NRXN3: variants seen among roughly 807,000 people sequenced by gnomAD.
NRXN3 encodes neurexin 3, also known as neurexin III.
In NRXN3, 32 loss-of-function variants were observed where a neutral mutation model predicts 137.6. The observed-to-expected ratio is 0.23, with a 90% confidence interval of 0.18 to 0.31. NRXN3 has a LOEUF of 0.31. Among genes scored for constraint, NRXN3 ranks in the 10% least tolerant of loss-of-function variants. NRXN3 has a pLI of 1.00. For synonymous variants in NRXN3, 798 were observed against 784.5 expected (o/e 1.02, Z -0.29); for missense variants, 1,574 against 2,062.5 (o/e 0.76, Z 4.59).
intron 14 of NRXN3, among the ~76,000 whole-genome samples, chr14:78,986,614 C>T (rs1567905532): frequency 1.3e-5 from 2 of 152,104 alleles, no homozygotes; most frequent in African/African-American, 4.8e-5. Flanking sequence ...GAAAGACACA[C>T]AGAAATAGAA....
chr14:79,059,212 A>T (rs150934003), intron 15 of NRXN3, among the ~76,000 whole-genome samples: 2 of 147,274 alleles, frequency 1.4e-5, no homozygotes, highest in Admixed American at 1.4e-4. Flanking sequence ...CAATGAGGGC[A>T]TTGATCTATC....
At chr14:79,509,212 A>AATG (rs1350421920) in intron 16 of NRXN3, among the ~76,000 whole-genome samples, 2 of 151,970 alleles carry the variant, frequency 1.3e-5, no homozygotes, top group African/African-American at 2.4e-5. Context: ...TAATAATAAT[A>AATG]ATAATGCTTT....
chr14:78,494,671 G>T (rs2366101), intron 4 of NRXN3, among the ~76,000 whole-genome samples: 53,069 of 151,844 alleles, frequency 0.35, 9,967 homozygotes, highest in Admixed American at 0.42. Flanking sequence ...AAAAATATGT[G>T]ATTCCTGCCC....
intron 10 of NRXN3, among the ~76,000 whole-genome samples, chr14:78,948,674 T>G (rs927831199): frequency 6.7e-6 from 1 of 149,532 alleles, no homozygotes; most frequent in African/African-American, 2.5e-5. Context: ...AGGTTCTGTA[T>G]GCTAGGCCTG....
intron 10 of NRXN3, among the ~76,000 whole-genome samples, chr14:78,950,357 C>T (rs943030091): frequency 2.6e-5 from 4 of 152,070 alleles, no homozygotes; most frequent in African/African-American, 9.7e-5. Flanking sequence ...TCTTTTTCAT[C>T]TTCTGAGGAG....
chr14:79,148,979 T>G (rs2059555977), intron 15 of NRXN3, among the ~76,000 whole-genome samples: 1 of 152,156 alleles, frequency 6.6e-6, no homozygotes, highest in South Asian at 2.1e-4. Context: ...AAGTAAGCAG[T>G]GAGAATCCTA....
intron 19 of NRXN3, among the ~76,000 whole-genome samples, chr14:79,764,165 TG>T (rs34360658): frequency 0.016 from 775 of 47,980 alleles, 6 homozygotes; most frequent in African/African-American, 0.049. Context: ...TTTTGGTGGG[TG>T]GGGGGGGTGT....
chr14:79,026,788 C>G (rs934748493), intron 15 of NRXN3, among the ~76,000 whole-genome samples: 1 of 151,820 alleles, frequency 6.6e-6, no homozygotes, highest in Non-Finnish European at 1.5e-5. Context: ...ACAGTCCTAT[C>G]ACCTCAAATC....
chr14:78,985,508 A>G (rs1446635589), intron 14 of NRXN3, among the ~76,000 whole-genome samples: 1 of 152,232 alleles, frequency 6.6e-6, no homozygotes, highest in African/African-American at 2.4e-5. Flanking sequence ...CTAATGTTTC[A>G]TTTGAAGAAG....
chr14:78,359,328 G>T (rs924001939), intron 4 of NRXN3, among the ~76,000 whole-genome samples: 1 of 152,108 alleles, frequency 6.6e-6, no homozygotes, highest in East Asian at 1.9e-4. Flanking sequence ...CGTCTTAAAG[G>T]CTCTCCAGGT....
At chr14:79,515,902 G>A (rs114333293) in intron 16 of NRXN3, among the ~76,000 whole-genome samples, 1 of 152,148 alleles carries the variant, frequency 6.6e-6, no homozygotes, top group South Asian at 2.1e-4. Flanking sequence ...CCTTCTGGGG[G>A]ATTTATGTGC....
At chr14:78,568,930 C>T (rs1044130839) in intron 4 of NRXN3, among the ~76,000 whole-genome samples, 1 of 148,524 alleles carries the variant, frequency 6.7e-6, no homozygotes, top group Non-Finnish European at 1.5e-5. Context: ...TCTGATTCAG[C>T]AGGTCTGTGG....
intron 4 of NRXN3, among the ~76,000 whole-genome samples, chr14:78,541,725 G>A (rs2096591193): frequency 6.6e-6 from 1 of 152,214 alleles, no homozygotes. Context: ...CAGCTTTCCT[G>A]CTCTGGTTTC....
At chr14:79,206,513 A>C (rs1474433336) in intron 15 of NRXN3, among the ~76,000 whole-genome samples, 1 of 152,216 alleles carries the variant, frequency 6.6e-6, no homozygotes, top group African/African-American at 2.4e-5. Context: ...CTCCAGAGAC[A>C]GGTGGTGAGA....
At chr14:78,264,749 G>A (rs948393241) in intron 2 of NRXN3, among the ~76,000 whole-genome samples, 1 of 152,176 alleles carries the variant, frequency 6.6e-6, no homozygotes, top group Non-Finnish European at 1.5e-5. Context: ...TCTAATAACG[G>A]CCTTAGATTT....
At chr14:78,952,886 A>G (rs31367) in intron 10 of NRXN3, among the ~76,000 whole-genome samples, 1,716 of 152,268 alleles carry the variant, frequency 0.011, 29 homozygotes, top group African/African-American at 0.04. Context: ...AAAGTTTCCA[A>G]TGGTTCCCCA....
At chr14:78,518,966 T>G (rs1036197719) in intron 4 of NRXN3, among the ~76,000 whole-genome samples, 7 of 152,136 alleles carry the variant, frequency 4.6e-5, no homozygotes, top group African/African-American at 1.7e-4. Context: ...AATCAGGAAC[T>G]GTCACTCTTC....
At chr14:78,285,007 C>T (rs760612202) in intron 3 of NRXN3, among the ~76,000 whole-genome samples, 4 of 152,208 alleles carry the variant, frequency 2.6e-5, no homozygotes, top group Non-Finnish European at 5.9e-5. Context: ...TGGAATTCTG[C>T]TTGGTAGTTC....
intron 15 of NRXN3, among the ~76,000 whole-genome samples, chr14:79,379,680 G>A (rs2094409446): frequency 6.6e-6 from 1 of 152,026 alleles, no homozygotes; most frequent in Non-Finnish European, 1.5e-5. Flanking sequence ...ATTTTCTTTT[G>A]TCAAATGGGA....
Sources: gnomAD v4.1 joint callset for allele counts (sites outside exome capture counted in the v4.1 genomes callset) on GRCh38, gnomAD v4.1.1 for gene constraint, MANE v1.5 for transcripts, NCBI Gene and HGNC (gene_info 2026-07-23, HGNC 2026-07-21) for gene names.